CUL5: variants seen among roughly 807,000 people sequenced by gnomAD.
CUL5 encodes cullin-5.
CUL5 carries 26 observed loss-of-function variants against 108.8 expected under a neutral mutation model. The ratio of observed to expected loss-of-function variants is 0.24; its 90% CI spans 0.18 to 0.33. The LOEUF (loss-of-function observed/expected upper bound fraction) is 0.33. CUL5 is among the 10% of genes least tolerant of loss of function. The pLI, the probability that CUL5 is intolerant of heterozygous loss-of-function variation, is 1.00. For synonymous variants in CUL5, 334 were observed against 298.0 expected (o/e 1.12, Z -1.25); for missense variants, 524 against 909.2 (o/e 0.58, Z 5.45).
chr11:108,050,384 T>A lies in CUL5; in HGVS notation c.411+318T>A, dbSNP rs541277987. 5.9e-5 allele frequency among the ~76,000 whole-genome samples: 9 copies of A among 151,914 alleles called. No homozygotes were observed. In the South Asian group the frequency reaches 1.9e-3, roughly 32 times the overall value. On this transcript the variant is annotated intron_variant, in intron 4 of 18. Coordinates refer to ENST00000393094, the MANE Select transcript of CUL5 (RefSeq NM_003478.6). ...TTTCTTTGTACTCTTTTTTTTTTTT[T>A]AAACTGGAGTGTCACTCTGTCGCCT...
intron 1 of CUL5, among the ~76,000 whole-genome samples, chr11:108,010,786 C>T: frequency 6.6e-6 from 1 of 152,150 alleles, no homozygotes; most frequent in East Asian, 1.9e-4. Context: ...TAGCAAATTT[C>T]TCATGCTTTA....
At chr11:108,059,882 TAA>T (rs35036425) in intron 7 of CUL5, among the ~76,000 whole-genome samples, 2,539 of 141,870 alleles carry the variant, frequency 0.018, 60 homozygotes, top group African/African-American at 0.057. Flanking sequence ...AGACTCTGTC[TAA>T]AAAAAAAAAA....
rs767632295 is a variant in CUL5, at chr11:108,030,552, G to T, written c.25-3250G>T. Among the ~76,000 whole-genome samples the T allele has an allele frequency of 3.9e-5, 6 of 152,166 alleles. No individual in the cohort carries two copies. The South Asian group carries it at 1.2e-3, about 31-fold the overall frequency. On this transcript the variant is annotated intron_variant, in intron 1 of 18. Transcript: ENST00000393094. ...CTCGGGAAGCTGAGGCAGGAGAATC[G>T]CTTGAACCCGGGAGGCGGAGGTTGC...
intron 7 of CUL5, among the ~76,000 whole-genome samples, chr11:108,063,620 TA>T (rs1422859806): frequency 1.1e-4 from 16 of 144,614 alleles, no homozygotes; most frequent in Non-Finnish European, 2.4e-4. Flanking sequence ...AGTATAATGA[TA>T]ATAAAATTTA....
At chr11:108,077,534 G>A (rs1259625137) in intron 10 of CUL5, among the ~76,000 whole-genome samples, 2 of 151,892 alleles carry the variant, frequency 1.3e-5, no homozygotes, top group African/African-American at 4.8e-5. Flanking sequence ...GGAGGCTGAG[G>A]CAGGAGAATC....
At chr11:108,075,802 GAGCC>G (rs980108664) in intron 10 of CUL5, among the ~76,000 whole-genome samples, 4 of 152,168 alleles carry the variant, frequency 2.6e-5, no homozygotes, top group African/African-American at 7.2e-5. Flanking sequence ...TTATAGACGT[GAGCC>G]ACCACCCCTG....
intron 1 of CUL5, among the ~76,000 whole-genome samples, chr11:108,022,860 T>C (rs1314707589): frequency 1.3e-5 from 2 of 151,818 alleles, no homozygotes; most frequent in African/African-American, 4.8e-5. Context: ...TAAAAAAAAG[T>C]CAATTATAAA....
At chr11:108,072,585 G>T (rs1863852868) in intron 9 of CUL5, 123 bp downstream of exon 9, 3 of 709,970 alleles carry the variant, frequency 4.2e-6, no homozygotes, top group Non-Finnish European at 6.7e-6. Flanking sequence ...AGGTTGGTTA[G>T]TGGGGTATAA....
At chr11:108,052,211 TCCTCCCA>T (rs912842198) in intron 4 of CUL5, among the ~76,000 whole-genome samples, 15 of 152,152 alleles carry the variant, frequency 9.9e-5, no homozygotes, top group African/African-American at 3.6e-4. Flanking sequence ...CCTCAAGTGA[TCCTCCCA>T]CCTTGGCCTC....
intron 7 of CUL5, among the ~76,000 whole-genome samples, chr11:108,066,683 T>C (rs1039313873): frequency 4.6e-5 from 7 of 152,218 alleles, no homozygotes; most frequent in Admixed American, 4.6e-4. Flanking sequence ...TAGGAGCAAA[T>C]TATAGACTGC....
chr11:108,072,535 G>A, intron 9 of CUL5, 73 bp downstream of exon 9: 2 of 1,151,532 alleles, frequency 1.7e-6, no homozygotes. Flanking sequence ...ATTGAAAATA[G>A]TGAGCGGTTA....
At chr11:108,045,326 G>C (rs1484058463) in intron 2 of CUL5, among the ~76,000 whole-genome samples, 1 of 152,116 alleles carries the variant, frequency 6.6e-6, no homozygotes, top group African/African-American at 2.4e-5. Flanking sequence ...GACAAAATAG[G>C]CTGGCCCACA....
chr11:108,017,648 A>C (rs1446544667), intron 1 of CUL5, among the ~76,000 whole-genome samples: 1 of 152,188 alleles, frequency 6.6e-6, no homozygotes, highest in Non-Finnish European at 1.5e-5. Flanking sequence ...CCAGGAGTTC[A>C]AGACCAGTCT....
intron 7 of CUL5, among the ~76,000 whole-genome samples, chr11:108,062,677 C>T (rs1036749617): frequency 1.3e-5 from 2 of 151,910 alleles, no homozygotes; most frequent in Non-Finnish European, 2.9e-5. Context: ...ATGATAATCA[C>T]ATCAGGGCAA....
intron 1 of CUL5, among the ~76,000 whole-genome samples, chr11:108,012,519 CTTACT>C (rs1862078812): frequency 2.8e-5 from 3 of 106,022 alleles, no homozygotes; most frequent in African/African-American, 1.2e-4. Flanking sequence ...TATGTCCCCT[CTTACT>C]TTTTTTTTTT....
intron 8 of CUL5, among the ~76,000 whole-genome samples, chr11:108,071,207 T>C (rs1299677900): frequency 1.3e-5 from 2 of 152,240 alleles, no homozygotes; most frequent in Non-Finnish European, 2.9e-5. Flanking sequence ...AACTACCTTA[T>C]GAAATAAACT....
At position 108,052,817 on chromosome 11, in the gene CUL5, T is replaced by C. The variant is rs761804083; in HGVS notation, c.553+16T>C. 2.5e-6 allele frequency: 4 copies of C among 1,586,356 alleles called. No homozygotes were observed. Among genetic ancestry groups the C allele is most frequent in the Non-Finnish European group, 3.4e-6 (4 of 1,166,552 alleles). ...GAATCCTATGGTATGTTCTGAACTT[T>C]TATGATCATAATTTCTGTTTCATGG... On this transcript the variant is annotated intron_variant, in intron 5 of 18. Coordinates refer to ENST00000393094, the MANE Select transcript of CUL5 (RefSeq NM_003478.6).
chr11:108,048,715 G>A (rs1223569185), intron 3 of CUL5, among the ~76,000 whole-genome samples: 2 of 139,128 alleles, frequency 1.4e-5, no homozygotes. Context: ...CGCCCAGGCT[G>A]CAGTGCAGTA....
At chr11:108,054,815 T>G in intron 6 of CUL5, 23 bp downstream of exon 6, 2 of 1,603,532 alleles carry the variant, frequency 1.2e-6, no homozygotes, top group Non-Finnish European at 1.7e-6. Flanking sequence ...TTAGTATATG[T>G]GATAATTTGA....
Sources: allele counts gnomAD v4.1 joint callset (sites outside exome capture counted in the v4.1 genomes callset), GRCh38; gene constraint gnomAD v4.1.1; transcripts MANE v1.5; gene names NCBI Gene and HGNC (gene_info 2026-07-23, HGNC 2026-07-21).